NUP160: variants seen among roughly 807,000 people sequenced by gnomAD.
NUP160 encodes nuclear pore complex protein Nup160.
Under a neutral mutation model 196.9 loss-of-function variants are expected in NUP160, and 94 were observed. The ratio of observed to expected loss-of-function variants is 0.48; its 90% CI spans 0.40 to 0.57. NUP160 has a LOEUF of 0.57. Ranked by LOEUF, NUP160 falls within the 20% of genes least tolerant of loss-of-function variation. The probability of loss-of-function intolerance (pLI) is 0.00; values close to 1 mark genes in which losing one functional copy is unlikely to be tolerated. For missense variants in NUP160, 1,638 were observed against 1,748.3 expected, an observed-to-expected ratio of 0.94 and a Z score of 1.13; for synonymous variants, 605 against 619.7, an observed-to-expected ratio of 0.98 and a Z score of 0.35.
intron 13 of NUP160, chr11:47,814,980 C>CA (rs548438522): frequency 4.3e-4 from 66 of 152,326 alleles, no homozygotes; most frequent in Non-Finnish European, 9.0e-4. Context: ...CCTGTAATCC[C>CA]AACACTTTGG....
chr11:47,832,354 G>C (rs1852094947), intron 7 of NUP160, among the ~76,000 whole-genome samples: 1 of 152,148 alleles, frequency 6.6e-6, no homozygotes, highest in Non-Finnish European at 1.5e-5. Flanking sequence ...AAGGCCACCA[G>C]GTTAGGAAGA....
chr11:47,812,367 A>C (rs369597099), exon 16 of NUP160: 1 of 1,613,788 alleles, frequency 6.2e-7, no homozygotes, highest in Non-Finnish European at 8.5e-7. Flanking sequence ...AAGTAGTCCA[A>C]TTGCATGGAT....
chr11:47,815,546 T>C (rs1163400834), exon 13 of NUP160: 2 of 1,612,936 alleles, frequency 1.2e-6, no homozygotes, highest in Admixed American at 3.4e-5. Flanking sequence ...AGAGAGGGCT[T>C]CTTGATACTG....
Position 47,780,469 on chromosome 11 carries a change from G to A in NUP160, c.4117-22C>T, listed in dbSNP as rs1447789176. The stretch of plus-strand genomic sequence containing the variant: ...GAAACTAAAAGGAAAATGTTTATTT[G>A]AAAACAGTCTGCAAAGTGTACCATT... On this transcript the variant is annotated intron_variant, in intron 34 of 35. Transcript: ENST00000378460. 2.0e-6 allele frequency: 3 copies of A among 1,499,280 alleles called. No individual in the cohort carries two copies. The African/African-American group carries it at 4.1e-5, about 21-fold the overall frequency. The allele number at this position is 1,499,280 out of a possible 1,614,324, so 92.9% of individuals were successfully genotyped here. A position where few individuals can be genotyped will look rare whatever the true frequency, so the allele number is the denominator to read the frequency against.
chr11:47,848,095 T>A, intron 1 of NUP160, 124 bp downstream of exon 1: 1 of 1,318,300 alleles, frequency 7.6e-7, no homozygotes. Context: ...TCAAGGAATC[T>A]CTGATCCCGG....
chr11:47,848,402 C>T, exon 1 of NUP160: 1 of 1,591,098 alleles, frequency 6.3e-7, no homozygotes, highest in South Asian at 1.1e-5. Context: ...GCGGGCGGAG[C>T]TGCGGACAGG....
intron 7 of NUP160, among the ~76,000 whole-genome samples, chr11:47,829,802 C>T (rs11039419): frequency 0.35 from 52,692 of 152,000 alleles, 10,567 homozygotes; most frequent in South Asian, 0.52. Flanking sequence ...CCTGAACATA[C>T]GAACGGGCAA....
At chr11:47,797,449 G>A (rs1196714592) in intron 27 of NUP160, among the ~76,000 whole-genome samples, 1 of 152,138 alleles carries the variant, frequency 6.6e-6, no homozygotes, top group Non-Finnish European at 1.5e-5. Flanking sequence ...ATGTTGGCCA[G>A]GCTGGTCTCG....
At chr11:47,786,635 G>A (rs1026039375) in intron 31 of NUP160, 81 bp from the exon 32 acceptor site, 2 of 833,440 alleles carry the variant, frequency 2.4e-6, no homozygotes, top group African/African-American at 3.3e-5. Context: ...TAGAGAGATA[G>A]ATGACAACTT....
chr11:47,831,842 CAAAAAAAAAA>C (rs372159602), intron 7 of NUP160, among the ~76,000 whole-genome samples: 38 of 66,682 alleles, frequency 5.7e-4, no homozygotes, highest in Admixed American at 1.9e-3. Flanking sequence ...GACTCTCTCT[CAAAAAAAAAA>C]AAAAAAAAAA....
intron 27 of NUP160, among the ~76,000 whole-genome samples, chr11:47,793,861 C>T (rs575527912): frequency 6.6e-6 from 1 of 150,524 alleles, no homozygotes; most frequent in South Asian, 2.1e-4. Flanking sequence ...CTGCCTCAGC[C>T]CCACAAGTAG....
At chr11:47,807,904 T>G (rs1047841104) in intron 18 of NUP160, among the ~76,000 whole-genome samples, 2 of 152,262 alleles carry the variant, frequency 1.3e-5, no homozygotes, top group Non-Finnish European at 2.9e-5. Context: ...TTCATTCTTA[T>G]AAGTTGCCTT....
intron 7 of NUP160, among the ~76,000 whole-genome samples, chr11:47,832,554 G>A (rs1733753939): frequency 1.3e-5 from 2 of 152,142 alleles, no homozygotes. Flanking sequence ...CTGTGGCCCC[G>A]ACCCAGAAGC....
intron 11 of NUP160, among the ~76,000 whole-genome samples, chr11:47,816,240 G>C (rs979844884): frequency 2.6e-5 from 4 of 152,178 alleles, no homozygotes; most frequent in African/African-American, 9.7e-5. Context: ...TTGAAGGGTT[G>C]ATTTATAGAA....
At position 47,813,058 on chromosome 11, in the gene NUP160, G is replaced by A. The variant is rs754262299; in HGVS notation, c.1787-11C>T. 2 of 1,575,506 alleles carry A rather than the reference G, an allele frequency of 1.3e-6. No homozygotes were observed. The highest frequency in any genetic ancestry group is 2.3e-5 in the South Asian group (2 of 88,550). ...GAGCGATGTCCACATCTACAAATAA[G>A]AGAAAGTTAACATTTATGTCTTAAG... On this transcript the variant is annotated splice_polypyrimidine_tract_variant and intron_variant, in intron 14 of 35. Transcript: ENST00000378460.
chr11:47,798,111 TTAG>T, intron 25 of NUP160, 37 bp from the exon 26 acceptor site: 3 of 1,536,382 alleles, frequency 2.0e-6, no homozygotes, highest in Non-Finnish European at 2.7e-6. Flanking sequence ...GCAAACTATC[TTAG>T]TAGGTTAAAC....
chr11:47,823,418 G>A (rs1320238495), intron 7 of NUP160, among the ~76,000 whole-genome samples: 1 of 152,022 alleles, frequency 6.6e-6, no homozygotes, highest in Non-Finnish European at 1.5e-5. Context: ...GACTACTCTA[G>A]GTACTCCATG....
intron 2 of NUP160, among the ~76,000 whole-genome samples, chr11:47,840,888 G>A (rs921794962): frequency 2.0e-5 from 3 of 152,054 alleles, no homozygotes; most frequent in Non-Finnish European, 2.9e-5. Context: ...ACCATACCCC[G>A]GCCATTGCTT....
chr11:47,796,357 A>G, intron 27 of NUP160: 1 of 615,692 alleles, frequency 1.6e-6, no homozygotes, highest in Non-Finnish European at 2.9e-6. Context: ...TGACAAATGG[A>G]ATTTATCCTT....
Sources: allele counts gnomAD v4.1 joint callset (sites outside exome capture counted in the v4.1 genomes callset), GRCh38; gene constraint gnomAD v4.1.1; transcripts MANE v1.5; gene names NCBI Gene and HGNC (gene_info 2026-07-23, HGNC 2026-07-21).